The following LRRC28 variants were observed in gnomAD, a reference collection of about 807,000 sequenced individuals.
LRRC28 encodes the protein leucine rich repeat containing 28, also known as leucine-rich repeat-containing protein 28.
A neutral mutation model predicts 45.7 loss-of-function variants in LRRC28; 39 were observed. That is an observed-to-expected ratio of 0.85 (90% confidence interval 0.66 to 1.12). The LOEUF is 1.12. Ranked by LOEUF, LRRC28 falls within the 50% of genes most tolerant of loss-of-function variation. The pLI, the probability that LRRC28 is intolerant of heterozygous loss-of-function variation, is 0.00. For synonymous variants in LRRC28, 206 were observed against 178.8 expected (o/e 1.15, Z -1.22); for missense variants, 435 against 438.5 (o/e 0.99, Z 0.07).
intron 5 of LRRC28, among the ~76,000 whole-genome samples, chr15:99,323,255 G>A (rs572127607): frequency 2.0e-5 from 3 of 152,298 alleles, no homozygotes; most frequent in South Asian, 2.1e-4. Context: ...CTGCTTATTT[G>A]CAGTGACCAG....
chr15:99,313,232 T>C (rs1267507639), intron 5 of LRRC28, among the ~76,000 whole-genome samples: 1 of 151,948 alleles, frequency 6.6e-6, no homozygotes, highest in Non-Finnish European at 1.5e-5. Flanking sequence ...TGGGAAGATA[T>C]AAGAATTATA....
rs1956872013 is a variant in LRRC28, at chr15:99,351,333, A to C, written c.593-1036A>C. Among the ~76,000 whole-genome samples, 3 of 152,190 alleles carry C rather than the reference A, an allele frequency of 2.0e-5. 1 individual carries two copies. The South Asian group carries it at 6.2e-4, about 32-fold the overall frequency. On this transcript the variant is annotated intron_variant, in intron 6 of 9. Coordinates refer to ENST00000301981, the MANE Select transcript of LRRC28 (RefSeq NM_144598.5). Reference sequence around the variant, plus strand: ...AATCTCCATCCGTACTTTCAGCCTTATTTCCTCACTGGATCCTCTTCCATT... The same window carrying C: ...AATCTCCATCCGTACTTTCAGCCTTCTTTCCTCACTGGATCCTCTTCCATT...
intron 2 of LRRC28, among the ~76,000 whole-genome samples, chr15:99,275,370 T>C (rs560871163): frequency 5.3e-5 from 8 of 152,210 alleles, no homozygotes; most frequent in Non-Finnish European, 1.2e-4. Context: ...TTCCTGGCCC[T>C]CTACTCTGAT....
At chr15:99,353,774 A>G (rs563083226) in intron 7 of LRRC28, 2 of 152,326 alleles carry the variant, frequency 1.3e-5, no homozygotes, top group Non-Finnish European at 2.9e-5. Context: ...CTGAAATGCG[A>G]TCTGCATCTC....
intron 5 of LRRC28, among the ~76,000 whole-genome samples, chr15:99,290,129 T>TGC (rs1567631338): frequency 8.6e-5 from 13 of 151,178 alleles, no homozygotes; most frequent in Admixed American, 7.9e-4. Context: ...GTGGTGGCAT[T>TGC]GTGCCTATAG....
At chr15:99,340,602 T>C (rs949862441) in intron 6 of LRRC28, among the ~76,000 whole-genome samples, 8 of 152,242 alleles carry the variant, frequency 5.3e-5, no homozygotes, top group African/African-American at 1.9e-4. Flanking sequence ...TTTGAAGAAC[T>C]ATGGCCTTGA....
intron 5 of LRRC28, among the ~76,000 whole-genome samples, chr15:99,316,214 T>C (rs1460603768): frequency 6.6e-6 from 1 of 152,216 alleles, no homozygotes; most frequent in Non-Finnish European, 1.5e-5. Flanking sequence ...TCCATACTTT[T>C]GGTTACTCAT....
intron 5 of LRRC28, 69 bp downstream of exon 5, chr15:99,288,020 A>T: frequency 7.2e-7 from 1 of 1,396,442 alleles, no homozygotes; most frequent in Non-Finnish European, 9.5e-7. Flanking sequence ...TTCTCACTCT[A>T]TGTCTAGGCA....
chr15:99,297,198 A>AG (rs1235040779), intron 5 of LRRC28: 2 of 152,900 alleles, frequency 1.3e-5, no homozygotes, highest in African/African-American at 4.9e-5. Flanking sequence ...AAAAAAAAAA[A>AG]AATATCTACC....
At chr15:99,273,568 G>T (rs997618207) in intron 2 of LRRC28, among the ~76,000 whole-genome samples, 1 of 152,106 alleles carries the variant, frequency 6.6e-6, no homozygotes, top group Non-Finnish European at 1.5e-5. Context: ...TTATTCTAAT[G>T]AACTGCAATT....
At chr15:99,287,695 G>T (rs940084760) in intron 4 of LRRC28, 119 bp from the exon 5 acceptor site, 4 of 1,066,810 alleles carry the variant, frequency 3.7e-6, no homozygotes, top group Non-Finnish European at 5.3e-6. Context: ...TTACTATTTT[G>T]TGAGCAACTG....
intron 2 of LRRC28, among the ~76,000 whole-genome samples, chr15:99,262,797 C>T (rs1250125628): frequency 6.6e-6 from 1 of 151,460 alleles, no homozygotes; most frequent in Non-Finnish European, 1.5e-5. Context: ...GCACACACCA[C>T]CACACCATAC....
At chr15:99,359,653 G>A (rs955186673) in intron 7 of LRRC28, among the ~76,000 whole-genome samples, 6 of 152,170 alleles carry the variant, frequency 3.9e-5, no homozygotes, top group African/African-American at 1.4e-4. Flanking sequence ...AAACATCTGT[G>A]CATTGGAATG....
At chr15:99,374,936 G>A (rs1957584536) in intron 9 of LRRC28, among the ~76,000 whole-genome samples, 1 of 151,958 alleles carries the variant, frequency 6.6e-6, no homozygotes, top group Admixed American at 6.6e-5. Flanking sequence ...CAAAGTGCTG[G>A]GATTACAGGC....
chr15:99,317,091 G>T (rs10902544), intron 5 of LRRC28, among the ~76,000 whole-genome samples: 2 of 151,238 alleles, frequency 1.3e-5, no homozygotes, highest in Non-Finnish European at 2.9e-5. Context: ...TTGCGTGTAC[G>T]CAAGTATGCC....
At chr15:99,285,977 G>T (rs1266548483) in intron 3 of LRRC28, among the ~76,000 whole-genome samples, 2 of 152,050 alleles carry the variant, frequency 1.3e-5, no homozygotes, top group Non-Finnish European at 2.9e-5. Context: ...CTACAAAATT[G>T]ATTTAATTCA....
chr15:99,345,157 C>T (rs1392058242), intron 6 of LRRC28, among the ~76,000 whole-genome samples: 1 of 151,858 alleles, frequency 6.6e-6, no homozygotes, highest in East Asian at 1.9e-4. Context: ...AACTAAGCCG[C>T]ACATTTAGTA....
intron 9 of LRRC28, among the ~76,000 whole-genome samples, chr15:99,372,918 A>G (rs1242859676): frequency 6.6e-6 from 1 of 152,152 alleles, no homozygotes; most frequent in Non-Finnish European, 1.5e-5. Flanking sequence ...ACATGGCAGC[A>G]GGAGAGAGAA....
At chr15:99,282,487 G>A (rs1373946226) in intron 3 of LRRC28, among the ~76,000 whole-genome samples, 1 of 152,142 alleles carries the variant, frequency 6.6e-6, no homozygotes, top group African/African-American at 2.4e-5. Context: ...ATACATAATG[G>A]TGGTCTCATA....
Sources: allele counts gnomAD v4.1 joint callset (sites outside exome capture counted in the v4.1 genomes callset), GRCh38; gene constraint gnomAD v4.1.1; transcripts MANE v1.5; gene names NCBI Gene and HGNC (gene_info 2026-07-23, HGNC 2026-07-21).